Variants in UCP1 observed in about 807,000 individuals in gnomAD.
UCP1 encodes the protein mitochondrial brown fat uncoupling protein 1.
UCP1 carries 24 observed loss-of-function variants against 26.2 expected under a neutral mutation model. The ratio of observed to expected loss-of-function variants is 0.92; its 90% CI spans 0.66 to 1.29. The LOEUF is 1.29. Among genes scored for constraint, UCP1 ranks in the 50% most tolerant of loss-of-function variants. The probability of loss-of-function intolerance (pLI) is 0.00; values close to 1 mark genes in which losing one functional copy is unlikely to be tolerated. For missense variants in UCP1, 402 were observed against 388.7 expected, an observed-to-expected ratio of 1.03 and a Z score of -0.29; for synonymous variants, 164 against 156.8, an observed-to-expected ratio of 1.05 and a Z score of -0.34.
intron 5 of UCP1, among the ~76,000 whole-genome samples, chr4:140,560,575 A>T (rs1735654888): frequency 6.6e-6 from 1 of 152,190 alleles, no homozygotes; most frequent in Non-Finnish European, 1.5e-5. Context: ...TATTGAGTAG[A>T]GTCAAGAAAT....
In UCP1 at chr4:140,567,734, G is replaced by GA. The variant is rs753939837; in HGVS notation, c.325+44dup. On this transcript the variant is annotated intron_variant, in intron 2 of 5. Transcript: ENST00000262999. The stretch of plus-strand genomic sequence containing the variant: ...GTGTTACACTTTTTGGAACAGAGCG[G>GA]AGCCCAAGGCTTTTCTGCCCCTCCC... 2.7e-5 allele frequency: 43 copies of GA among 1,610,260 alleles called. No homozygotes were observed. In the South Asian group the frequency reaches 4.3e-4, roughly 16 times the overall value.
At chr4:140,564,075 AG>A (rs1365401245) in intron 2 of UCP1, among the ~76,000 whole-genome samples, 1 of 152,216 alleles carries the variant, frequency 6.6e-6, no homozygotes, top group Non-Finnish European at 1.5e-5. Flanking sequence ...TTATTTTCAC[AG>A]TGGCCTGATT....
chr4:140,568,722 C>T lies in UCP1; in HGVS notation c.8G>A (p.Gly3Asp). 1.3e-6 allele frequency: 2 copies of T among 1,591,642 alleles called. No homozygotes were observed. Among genetic ancestry groups the T allele is most frequent in the Non-Finnish European group, 1.7e-6 (2 of 1,171,194 alleles). ...CGGGTGTACGTCCGAGGCTGTCAGG[C>T]CCCCCATCTTCACTCAGAGACTGGA... MG[G>D]LTASDVHPTL... Residue 3 changes from glycine (G) to aspartate (D), a missense_variant, in exon 1 of 6, where the codon GGC (glycine) becomes GAC (aspartate). Physicochemically the swap from Gly to Asp is moderately conservative, Grantham distance 94. Transcript: ENST00000262999.
intron 2 of UCP1, 51 bp from the exon 3 acceptor site, chr4:140,563,569 T>C (rs750811721): frequency 2.4e-4 from 359 of 1,509,550 alleles, no homozygotes; most frequent in Non-Finnish European, 3.1e-4. Context: ...AGACCTAGAA[T>C]GCATGCATGT....
chr4:140,565,629 A>G (rs1369644892), intron 2 of UCP1, among the ~76,000 whole-genome samples: 1 of 151,762 alleles, frequency 6.6e-6, no homozygotes, highest in African/African-American at 2.4e-5. Context: ...CCTCACCAAC[A>G]TGTCCTCCCT....
chr4:140,562,483 CT>C, intron 4 of UCP1, 110 bp from the exon 5 acceptor site: 1 of 1,067,610 alleles, frequency 9.4e-7, no homozygotes, highest in Non-Finnish European at 1.4e-6. Flanking sequence ...ATGAAGATGT[CT>C]TATAAATAAA....
At position 140,563,435 on chromosome 4, in the gene UCP1, C is replaced by T. The variant is rs775118020; in HGVS notation, c.409G>A (p.Val137Met). Residue 137 changes from valine (V) to methionine (M), a missense_variant, in exon 3 of 6, where the codon GTG (valine) becomes ATG (methionine). Physicochemically the swap from Val to Met is conservative, Grantham distance 21. Coordinates refer to ENST00000262999, the MANE Select transcript of UCP1 (RefSeq NM_021833.5). ...AVFIGQPTEV[V>M]KVRLQAQSHL... Reference sequence around the variant, plus strand: ...CTCTGTGCTTGAAGTCTGACTTTCACGACCTCTGTGGGTTGCCCAATGAAT... The same window carrying T: ...CTCTGTGCTTGAAGTCTGACTTTCATGACCTCTGTGGGTTGCCCAATGAAT... The T allele has an allele frequency of 1.2e-5, 19 of 1,613,912 alleles. No individual in the cohort carries two copies. The highest frequency in any genetic ancestry group is 6.7e-5 in the East Asian group (3 of 44,886).
At position 140,568,803 on chromosome 4, in the gene UCP1, T is replaced by C; in HGVS notation, c.-74A>G. ...GGTGGAGGAAGTTCCTTTCCCTTGC[T>C]CTTCACGCCTGTCCGCCGGGCAGCA... On this transcript the variant is annotated 5_prime_UTR_variant, in exon 1 of 6. Coordinates refer to ENST00000262999, the MANE Select transcript of UCP1 (RefSeq NM_021833.5). The C allele has an allele frequency of 1.3e-6, 2 of 1,533,974 alleles. No individual in the cohort carries two copies. Among genetic ancestry groups the C allele is most frequent in the Non-Finnish European group, 1.7e-6 (2 of 1,144,048 alleles).
In UCP1 at chr4:140,559,904, C is replaced by CA; in HGVS notation, c.915dup (p.Ala306CysfsTer11). The CA allele has an allele frequency of 6.2e-7, 1 of 1,613,222 alleles. No individual in the cohort carries two copies. The highest frequency in any genetic ancestry group is 8.5e-7 in the Non-Finnish European group (1 of 1,179,250). On this transcript the variant is annotated frameshift_variant, in exon 6 of 6. Transcript: ENST00000262999. LOFTEE classifies it high-confidence loss of function. Reference sequence around the variant, plus strand: ...CATTTTCTTGAAGCTGATTATGTGGCACAGTCCATAGTCTGCCTTGACTTT... The same window carrying CA: ...CATTTTCTTGAAGCTGATTATGTGGCAACAGTCCATAGTCTGCCTTGACTTT...
At chr4:140,560,480 G>A (rs1181726108) in intron 5 of UCP1, among the ~76,000 whole-genome samples, 4 of 152,058 alleles carry the variant, frequency 2.6e-5, no homozygotes, top group Non-Finnish European at 4.4e-5. Context: ...GAGGGAAGGG[G>A]GAATTTTTGC....
rs1735639352 is a variant in UCP1 at position 140,559,890 on chromosome 4, A to T, written c.*6T>A. On this transcript the variant is annotated 3_prime_UTR_variant, in exon 6 of 6. Coordinates refer to ENST00000262999, the MANE Select transcript of UCP1 (RefSeq NM_021833.5). ...CTGGTATGTTACATCATTTTCTTGAAGCTGATTATGTGGCACAGTCCATAG... is the reference window on the plus strand; with the variant it reads ...CTGGTATGTTACATCATTTTCTTGATGCTGATTATGTGGCACAGTCCATAG... The T allele has an allele frequency of 1.2e-6, 2 of 1,608,428 alleles. No individual in the cohort carries two copies. The highest frequency in any genetic ancestry group is 2.7e-5 in the African/African-American group (2 of 74,768).
chr4:140,567,612 A>G (rs1056612747), intron 2 of UCP1, among the ~76,000 whole-genome samples, 167 bp downstream of exon 2: 11 of 152,236 alleles, frequency 7.2e-5, no homozygotes, highest in African/African-American at 2.7e-4. Context: ...TCGATTTTGC[A>G]TACTTTTTTC....
At position 140,563,387 on chromosome 4, in the gene UCP1, G is replaced by A. The variant is rs201959264; in HGVS notation, c.457C>T (p.Arg153Cys). ...AQSHLHGIKPRYTGTYNAYRI... is the reference protein window; with the variant it reads ...AQSHLHGIKPCYTGTYNAYRI... ...TACGCATTATAAGTCCCCGTGTAGC[G>A]AGGTTTGATTCCGTGGAGATGGCTC... Residue 153 changes from arginine to cysteine, a missense_variant, in exon 3 of 6, where the codon CGC becomes TGC. By Grantham distance (180) the Arg-to-Cys change is radical. Coordinates refer to ENST00000262999, the MANE Select transcript of UCP1 (RefSeq NM_021833.5). 1.6e-5 allele frequency: 26 copies of A among 1,614,014 alleles called. No homozygotes were observed. The highest frequency in any genetic ancestry group is 1.7e-5 in the Admixed American group (1 of 60,004).
chr4:140,568,892 A>C lies in UCP1; in HGVS notation c.-163T>G. ...GGCGGTGCAGAGGCGGCGGCTGCAG[A>C]CGGAGCGCGGTGTTGGGGGCCGAGT... is the stretch of plus-strand genomic sequence containing the variant. On this transcript the variant is annotated 5_prime_UTR_variant, in exon 1 of 6. Coordinates refer to ENST00000262999, the MANE Select transcript of UCP1 (RefSeq NM_021833.5). The C allele has an allele frequency of 8.9e-7, 1 of 1,124,902 alleles. No individual in the cohort carries two copies. Among genetic ancestry groups the C allele is most frequent in the Non-Finnish European group, 1.3e-6 (1 of 799,970 alleles). 69.7% of individuals were successfully genotyped at this position (1,124,902 alleles called of 1,614,324 possible).
chr4:140,560,022 C>T lies in UCP1; in HGVS notation c.810-12G>A. On this transcript the variant is annotated splice_polypyrimidine_tract_variant and intron_variant, in intron 5 of 5. Coordinates refer to ENST00000262999, the MANE Select transcript of UCP1 (RefSeq NM_021833.5). ...AGGAAGGTACCAACCTAGAAAAGTG[C>T]ATGTCATCGTTCGATTAATTTGTTT... 6.3e-7 allele frequency: 1 copy of T among 1,596,648 alleles called. No individual in the cohort carries two copies.
At chr4:140,560,908 G>C (rs1440796013) in intron 5 of UCP1, among the ~76,000 whole-genome samples, 2 of 151,958 alleles carry the variant, frequency 1.3e-5, no homozygotes, top group African/African-American at 2.4e-5. Flanking sequence ...CCAGCCCCTG[G>C]TAACTTCTAT....
At chr4:140,562,423 A>G (rs1280876800) in intron 4 of UCP1, 50 bp from the exon 5 acceptor site, 1 of 1,590,026 alleles carries the variant, frequency 6.3e-7, no homozygotes, top group Non-Finnish European at 8.6e-7. Flanking sequence ...GGGGGCTTGC[A>G]ATTTAGTTAT....
chr4:140,565,556 G>C (rs185601174), intron 2 of UCP1, among the ~76,000 whole-genome samples: 2 of 151,976 alleles, frequency 1.3e-5, no homozygotes, highest in Non-Finnish European at 2.9e-5. Context: ...AAACTCCTTA[G>C]CACCGCCTGC....
rs1578791460 is a variant in UCP1 at position 140,567,844 on chromosome 4, C to G, written c.260G>C (p.Ser87Thr). 4 of 1,614,124 alleles carry G rather than the reference C, an allele frequency of 2.5e-6. No homozygotes were observed. The Middle Eastern group carries it at 6.6e-4, about 266-fold the overall frequency. Residue 87 changes from serine (S) to threonine (T), a missense_variant, in exon 2 of 6, where the codon AGC becomes ACC. Ser to Thr is a moderately conservative substitution (Grantham distance 58). Transcript: ENST00000262999. The part of the protein sequence containing the change: ...GLPAGLQRQI[S>T]SASLRIGLYD... ...GAGGCCGATCCTGAGAGAGGCGGAG[C>G]TGATTTGCCGCTGAAGCCCCGCAGG...
Sources: gnomAD v4.1 joint callset for allele counts (sites outside exome capture counted in the v4.1 genomes callset) on GRCh38, gnomAD v4.1.1 for gene constraint, MANE v1.5 for transcripts, NCBI Gene and HGNC (gene_info 2026-07-23, HGNC 2026-07-21) for gene names.